UBE2W: variants seen among roughly 807,000 people sequenced by gnomAD.
UBE2W encodes ubiquitin conjugating enzyme E2 W, also known as ubiquitin-conjugating enzyme E2 W.
In UBE2W, 18 loss-of-function variants were observed where a neutral mutation model predicts 27.2. That is an observed-to-expected ratio of 0.66 (90% CI 0.46 to 0.98). The LOEUF is 0.98. Among genes scored for constraint, UBE2W ranks in the 50% least tolerant of loss-of-function variants. UBE2W has a pLI of 0.00. For missense variants in UBE2W, 90 were observed against 180.2 expected, an observed-to-expected ratio of 0.50 and a Z score of 2.87; for synonymous variants, 53 against 57.2, an observed-to-expected ratio of 0.93 and a Z score of 0.33.
chr8:73,863,805 T>C (rs541224524), intron 1 of UBE2W, among the ~76,000 whole-genome samples: 1 of 152,102 alleles, frequency 6.6e-6, no homozygotes, highest in Non-Finnish European at 1.5e-5. Flanking sequence ...CCAGGATGCA[T>C]TCCAGAGCAA....
At chr8:73,844,401 G>A (rs1457432341) in intron 1 of UBE2W, among the ~76,000 whole-genome samples, 8 of 152,262 alleles carry the variant, frequency 5.3e-5, no homozygotes, top group South Asian at 2.1e-4. Context: ...TGCCAGCCTC[G>A]GCCTCCCGAG....
intron 1 of UBE2W, among the ~76,000 whole-genome samples, chr8:73,878,196 G>A (rs957940640): frequency 9.9e-5 from 15 of 152,218 alleles, no homozygotes; most frequent in Non-Finnish European, 1.5e-4. Context: ...ATGTCCGCGA[G>A]AATACCGAGG....
At chr8:73,861,633 T>A (rs1309265327) in intron 1 of UBE2W, among the ~76,000 whole-genome samples, 1 of 152,202 alleles carries the variant, frequency 6.6e-6, no homozygotes, top group Non-Finnish European at 1.5e-5. Context: ...ATGAGATTTT[T>A]ATGCATATTC....
chr8:73,804,641 G>A lies in UBE2W; in HGVS notation c.442+1010C>T, dbSNP rs530754577. Among the ~76,000 whole-genome samples, 6 of 151,342 alleles carry A rather than the reference G, an allele frequency of 4.0e-5. No homozygotes were observed. The South Asian group carries it at 8.3e-4, about 21-fold the overall frequency. On this transcript the variant is annotated intron_variant, in intron 5 of 5. Coordinates refer to ENST00000602593, the MANE Select transcript of UBE2W (RefSeq NM_018299.6). ...CTTACTGTGACTCCCGCCTCCTCCC[G>A]GCCATGAATACTACCAGAACTAAAT...
At chr8:73,816,854 C>A (rs1489122598) in intron 3 of UBE2W, among the ~76,000 whole-genome samples, 2 of 150,348 alleles carry the variant, frequency 1.3e-5, no homozygotes. Flanking sequence ...GCCAACATGG[C>A]AAAACCTTGT....
intron 1 of UBE2W, among the ~76,000 whole-genome samples, chr8:73,862,260 C>CT (rs1308151636): frequency 1.3e-5 from 2 of 152,186 alleles, no homozygotes; most frequent in African/African-American, 4.8e-5. Flanking sequence ...GAAACCCTGT[C>CT]TCTATTAAAA....
chr8:73,827,969 C>A (rs1809919877), intron 2 of UBE2W, among the ~76,000 whole-genome samples: 1 of 152,204 alleles, frequency 6.6e-6, no homozygotes, highest in African/African-American at 2.4e-5. Context: ...TCATTCTAGT[C>A]ATTTTGCTGT....
At chr8:73,811,587 CAT>C (rs1809157062) in intron 3 of UBE2W, among the ~76,000 whole-genome samples, 1 of 152,114 alleles carries the variant, frequency 6.6e-6, no homozygotes, top group Non-Finnish European at 1.5e-5. Context: ...CAAAAGAACA[CAT>C]AGTTGGAAGA....
chr8:73,838,231 T>C (rs1186092756), intron 1 of UBE2W, among the ~76,000 whole-genome samples: 1 of 152,156 alleles, frequency 6.6e-6, no homozygotes, highest in Non-Finnish European at 1.5e-5. Flanking sequence ...TTTCTCTCCT[T>C]CCTCATCATA....
intron 1 of UBE2W, among the ~76,000 whole-genome samples, chr8:73,844,191 G>C (rs375058143): frequency 2.2e-3 from 157 of 70,872 alleles, no homozygotes; most frequent in African/African-American, 0.01. Flanking sequence ...GACTCCCTCT[G>C]ATGCCAAGCC....
intron 5 of UBE2W, among the ~76,000 whole-genome samples, chr8:73,799,299 T>C (rs1446560079): frequency 6.6e-6 from 1 of 151,912 alleles, no homozygotes; most frequent in East Asian, 1.9e-4. Flanking sequence ...GGGTAAACAG[T>C]GACTGGCCTA....
intron 1 of UBE2W, among the ~76,000 whole-genome samples, chr8:73,842,449 A>G: frequency 6.8e-6 from 1 of 146,292 alleles, no homozygotes; most frequent in East Asian, 2.0e-4. Flanking sequence ...GAATGGTGTG[A>G]ACCCGGGAGG....
Position 73,864,693 on chromosome 8 carries a change from C to A in UBE2W, c.15+14115G>T, listed in dbSNP as rs548984936. Among the ~76,000 whole-genome samples the A allele has an allele frequency of 2.7e-4, 38 of 142,880 alleles. No homozygotes were observed. The East Asian group carries it at 7.9e-3, about 30-fold the overall frequency. 93.7% of individuals were successfully genotyped at this position (142,880 alleles called of 152,430 possible). ...CTGGGTTCAAACAATTCTCCTGCCTCAGCCTCCCGAGTAGCTGGGATTACA... is the reference window on the plus strand; with the variant it reads ...CTGGGTTCAAACAATTCTCCTGCCTAAGCCTCCCGAGTAGCTGGGATTACA... On this transcript the variant is annotated intron_variant, in intron 1 of 5. Transcript: ENST00000602593.
At chr8:73,784,451 T>A (rs1158990443), downstream of UBE2W, among the ~76,000 whole-genome samples, 2 of 152,190 alleles carry the variant, frequency 1.3e-5, no homozygotes, top group African/African-American at 4.8e-5. Flanking sequence ...CCATATCAGA[T>A]CATGTCAAAC....
chr8:73,786,540 A>G lies in UBE2W; in HGVS notation c.*7562T>C. 1.0e-6 allele frequency: 1 copy of G among 985,424 alleles called. No individual in the cohort carries two copies. The highest frequency in any genetic ancestry group is 4.7e-5 in the South Asian group (1 of 21,252). 61.0% of individuals were successfully genotyped at this position (985,424 alleles called of 1,614,324 possible). ...ATAGATGACTGGTAGGGAGAGAAGAAAGGACAAGGATGATAACCTTTCAGC... is the reference window on the plus strand; with the variant it reads ...ATAGATGACTGGTAGGGAGAGAAGAGAGGACAAGGATGATAACCTTTCAGC... On this transcript the variant is annotated 3_prime_UTR_variant, in exon 6 of 6. Coordinates refer to ENST00000602593, the MANE Select transcript of UBE2W (RefSeq NM_018299.6).
chr8:73,812,959 C>G (rs1206143625), intron 3 of UBE2W, among the ~76,000 whole-genome samples: 1 of 149,782 alleles, frequency 6.7e-6, no homozygotes, highest in African/African-American at 2.5e-5. Flanking sequence ...GAGCTGAGAT[C>G]GCACCACCGC....
At chr8:73,849,328 G>A (rs1429806734) in intron 1 of UBE2W, among the ~76,000 whole-genome samples, 2 of 151,628 alleles carry the variant, frequency 1.3e-5, no homozygotes, top group Non-Finnish European at 2.9e-5. Context: ...CCTGGCCAAC[G>A]TTGTAAAACC....
chr8:73,807,632 A>G (rs575998099), intron 4 of UBE2W, among the ~76,000 whole-genome samples: 4 of 152,226 alleles, frequency 2.6e-5, no homozygotes, highest in Non-Finnish European at 5.9e-5. Context: ...ACTTCAAGGA[A>G]GGGATGATTC....
intron 5 of UBE2W, among the ~76,000 whole-genome samples, chr8:73,800,483 C>A (rs2130855128): frequency 1.3e-5 from 2 of 152,090 alleles, no homozygotes; most frequent in South Asian, 4.2e-4. Context: ...GGACTGGGGA[C>A]TGGAGTAGAA....
Sources: gnomAD v4.1 joint callset for allele counts (sites outside exome capture counted in the v4.1 genomes callset) on GRCh38, gnomAD v4.1.1 for gene constraint, MANE v1.5 for transcripts, NCBI Gene and HGNC (gene_info 2026-07-23, HGNC 2026-07-21) for gene names.